FBLN1: variants seen among roughly 807,000 people sequenced by gnomAD.
FBLN1 encodes the protein fibulin-1.
FBLN1 carries 34 observed loss-of-function variants against 89.7 expected under a neutral mutation model. That is an observed-to-expected ratio of 0.38 (90% CI 0.29 to 0.50). The LOEUF (loss-of-function observed/expected upper bound fraction) is 0.50. Ranked by LOEUF, FBLN1 falls within the 20% of genes least tolerant of loss-of-function variation. FBLN1 has a pLI of 0.92. For synonymous variants in FBLN1, 393 were observed against 391.3 expected, an observed-to-expected ratio of 1.00 and a Z score of -0.05; for missense variants, 777 against 988.1, an observed-to-expected ratio of 0.79 and a Z score of 2.86.
At chr22:45,560,095 C>A (rs1203848211) in intron 14 of FBLN1, among the ~76,000 whole-genome samples, 2 of 152,048 alleles carry the variant, frequency 1.3e-5, no homozygotes, top group Non-Finnish European at 1.5e-5. Context: ...ATTAATTAGC[C>A]AATGCCAGAG....
intron 1 of FBLN1, among the ~76,000 whole-genome samples, chr22:45,517,175 G>GCGGAAA (rs983924303): frequency 6.6e-6 from 1 of 152,258 alleles, no homozygotes; most frequent in Admixed American, 6.5e-5. Context: ...AGTTGTGTGT[G>GCGGAAA]CGGAAACGCT....
chr22:45,525,650 A>G lies in FBLN1; in HGVS notation c.293A>G (p.Asn98Ser). The G allele has an allele frequency of 6.4e-7, 1 of 1,551,366 alleles. No homozygotes were observed. The highest frequency in any genetic ancestry group is 1.2e-5 in the South Asian group (1 of 84,062). Residue 98 changes from asparagine (N) to serine (S), a missense_variant, in exon 3 of 17, where the codon AAC becomes AGC. Asn to Ser is a conservative substitution (Grantham distance 46). Transcript: ENST00000327858. ...QDRCATPHGD[N>S]ASLEATFVKR... ...CGCTGTGCCACGCCCCACGGTGACA[A>G]CGCCAGCCTGGAGGCCACATTTGTG...
intron 11 of FBLN1, among the ~76,000 whole-genome samples, chr22:45,546,358 A>G (rs924936102): frequency 4.6e-5 from 7 of 152,158 alleles, no homozygotes; most frequent in African/African-American, 1.7e-4. Context: ...TTGTGACTAC[A>G]GGTGCGTGCC....
chr22:45,568,391 T>C (rs1469737743), intron 14 of FBLN1, among the ~76,000 whole-genome samples: 1 of 152,154 alleles, frequency 6.6e-6, no homozygotes, highest in Non-Finnish European at 1.5e-5. Flanking sequence ...TCTAGGGGAA[T>C]GCCTCTTCTG....
intron 2 of FBLN1, among the ~76,000 whole-genome samples, chr22:45,522,024 C>T (rs11090640): frequency 0.081 from 12,260 of 151,828 alleles, 552 homozygotes; most frequent in South Asian, 0.18. Flanking sequence ...CTGGCCCTGT[C>T]GCCCAGGCTG....
At chr22:45,535,661 G>T (rs2088474483) in intron 8 of FBLN1, 2 of 323,022 alleles carry the variant, frequency 6.2e-6, no homozygotes, top group Non-Finnish European at 1.2e-5. Context: ...ACCACAGTTT[G>T]CTGATCTGGG....
intron 8 of FBLN1, 157 bp downstream of exon 8, chr22:45,535,494 C>T: frequency 2.4e-6 from 2 of 832,018 alleles, no homozygotes; most frequent in Non-Finnish European, 3.9e-6. Context: ...AGAGCAAATA[C>T]TTTAGCCGTT....
rs186897569 is a variant in FBLN1 at position 45,594,958 on chromosome 22, G to T, written c.1973-5349G>T. ...TGAAGAAAAGTGGTATCAGAATCTTGATTCTGCAGGCATTTATTTGGCATC... is the reference window on the plus strand; with the variant it reads ...TGAAGAAAAGTGGTATCAGAATCTTTATTCTGCAGGCATTTATTTGGCATC... On this transcript the variant is annotated intron_variant, in intron 16 of 16. Transcript: ENST00000327858. Among the ~76,000 whole-genome samples, 128 of 152,290 alleles carry T rather than the reference G, an allele frequency of 8.4e-4. 1 individual carries two copies. The highest frequency in any genetic ancestry group is 3.1e-3 in the African/African-American group (127 of 41,542).
chr22:45,518,909 C>A, intron 2 of FBLN1, 122 bp downstream of exon 2: 1 of 927,672 alleles, frequency 1.1e-6, no homozygotes, highest in Non-Finnish European at 1.7e-6. Flanking sequence ...CCGGATCCAT[C>A]CAGGCTGCGG....
At position 45,536,584 on chromosome 22, in the gene FBLN1, G is replaced by C. The variant is rs2088485067; in HGVS notation, c.922+1247G>C. Among the ~76,000 whole-genome samples the C allele has an allele frequency of 6.6e-6, 1 of 152,046 alleles. No homozygotes were observed. The highest frequency in any genetic ancestry group is 2.4e-5 in the African/African-American group (1 of 41,402). ...GTTTGAGACCAGCCTGACCAATATAGTGAAACCCCATCTCTACTAAAAATA... is the reference window on the plus strand; with the variant it reads ...GTTTGAGACCAGCCTGACCAATATACTGAAACCCCATCTCTACTAAAAATA... On this transcript the variant is annotated intron_variant, in intron 8 of 16. Transcript: ENST00000327858. This position sits in a 1 kb window ranked among gnomAD's most constrained non-coding sequence, Gnocchi z 5.1.
At position 45,536,676 on chromosome 22, in the gene FBLN1, A is replaced by G. The variant is rs2088486209; in HGVS notation, c.922+1339A>G. 2.0e-5 allele frequency among the ~76,000 whole-genome samples: 3 copies of G among 152,118 alleles called. No homozygotes were observed. In the South Asian group the frequency reaches 6.2e-4, roughly 32 times the overall value. ...GCTGCTTAGGAGGCTGAGGCAGCAG[A>G]ATCGCTTGAGCCTGGGAGGCAGAGG... On this transcript the variant is annotated intron_variant, in intron 8 of 16. Transcript: ENST00000327858. This position sits in a 1 kb window ranked among gnomAD's most constrained non-coding sequence, Gnocchi z 5.1.
chr22:45,518,660 G>A (rs993633386), intron 1 of FBLN1, 22 bp from the exon 2 acceptor site: 1 of 1,574,996 alleles, frequency 6.3e-7, no homozygotes, highest in Admixed American at 1.8e-5. Context: ...CCACCTCTCA[G>A]CTTGTTCTCT....
chr22:45,543,280 A>G, intron 10 of FBLN1, 121 bp from the exon 11 acceptor site: 1 of 1,291,456 alleles, frequency 7.7e-7, no homozygotes, highest in Non-Finnish European at 1.1e-6. Context: ...ATGAAGGAAA[A>G]AAAAGAAATG....
At position 45,563,740 on chromosome 22, in the gene FBLN1, G is replaced by GGTC. The variant is rs2088876809; in HGVS notation, c.1698-10770_1698-10768dup. Among the ~76,000 whole-genome samples, 1 of 152,210 alleles carries GGTC rather than the reference G, an allele frequency of 6.6e-6. No individual in the cohort carries two copies. The highest frequency in any genetic ancestry group is 1.5e-5 in the Non-Finnish European group (1 of 68,038). ...CGTCTGGCCTGCTGTGGCCATGCCAGGTCAAGGAAGCGGGTCTGCTGGCCC... is the reference window on the plus strand; with the variant it reads ...CGTCTGGCCTGCTGTGGCCATGCCAGGTCGTCAAGGAAGCGGGTCTGCTGGCCC... On this transcript the variant is annotated intron_variant, in intron 14 of 16. Coordinates refer to ENST00000327858, the MANE Select transcript of FBLN1 (RefSeq NM_006486.3). This position sits in a 1 kb window ranked among gnomAD's most constrained non-coding sequence, Gnocchi z 5.7.
At chr22:45,523,871 G>A (rs145604742) in intron 2 of FBLN1, among the ~76,000 whole-genome samples, 33 of 152,212 alleles carry the variant, frequency 2.2e-4, no homozygotes, top group African/African-American at 7.9e-4. Flanking sequence ...TGTGCTCCAC[G>A]GCAGCTGCAC....
intron 14 of FBLN1, among the ~76,000 whole-genome samples, chr22:45,573,861 G>A (rs931752719): frequency 2.0e-5 from 3 of 152,010 alleles, no homozygotes; most frequent in African/African-American, 4.8e-5. Context: ...GTAATAACTC[G>A]TTAAACTATA....
intron 1 of FBLN1, among the ~76,000 whole-genome samples, chr22:45,512,075 G>A (rs748301794): frequency 9.9e-5 from 15 of 151,870 alleles, no homozygotes; most frequent in Admixed American, 1.3e-4. Context: ...GCCCAGTGTC[G>A]AGTTACCAGC....
intron 16 of FBLN1, among the ~76,000 whole-genome samples, chr22:45,584,255 T>C (rs1053382351): frequency 3.3e-5 from 5 of 152,214 alleles, no homozygotes; most frequent in Admixed American, 3.3e-4. Context: ...CCACATTGTC[T>C]GTGCTGAGTC....
At chr22:45,544,908 G>A (rs1476887871) in intron 11 of FBLN1, among the ~76,000 whole-genome samples, 1 of 152,210 alleles carries the variant, frequency 6.6e-6, no homozygotes, top group Non-Finnish European at 1.5e-5. Context: ...TACGGATTAG[G>A]TTCTGAGCTG....
Sources: gnomAD v4.1 joint callset for allele counts (sites outside exome capture counted in the v4.1 genomes callset) on GRCh38, gnomAD v4.1.1 for gene constraint, Gnocchi (gnomAD v3.1) non-coding constraint, MANE v1.5 for transcripts, NCBI Gene and HGNC (gene_info 2026-07-23, HGNC 2026-07-21) for gene names.